Variants in IL20RA observed in about 807,000 individuals in gnomAD.
The protein encoded by IL20RA is interleukin-20 receptor subunit alpha.
In IL20RA, 29 loss-of-function variants were observed where a neutral mutation model predicts 36.5. That is an observed-to-expected ratio of 0.79 (90% CI 0.59 to 1.08). The LOEUF (loss-of-function observed/expected upper bound fraction) is 1.08. Among genes scored for constraint, IL20RA ranks in the 50% least tolerant of loss-of-function variants. The probability of loss-of-function intolerance (pLI) is 0.00; values close to 1 mark genes in which losing one functional copy is unlikely to be tolerated. For missense variants in IL20RA, 652 were observed against 668.4 expected (o/e 0.98, Z 0.27); for synonymous variants, 279 against 267.1 (o/e 1.04, Z -0.43).
intron 4 of IL20RA, chr6:137,009,051 G>C: frequency 1.7e-6 from 1 of 578,118 alleles, no homozygotes; most frequent in South Asian, 2.4e-5. Context: ...GACTGTGCAA[G>C]TGAAAGCTCT....
chr6:137,019,400 A>G (rs1205377910), intron 1 of IL20RA, among the ~76,000 whole-genome samples: 1 of 151,928 alleles, frequency 6.6e-6, no homozygotes, highest in Non-Finnish European at 1.5e-5. Flanking sequence ...AAGTGCTGGG[A>G]TTACAGGTAT....
rs772308266 is a variant in IL20RA at position 137,004,714 on chromosome 6, C to T, written c.771G>A (p.Leu257=). The stretch of plus-strand genomic sequence containing the variant: ...AAAGAAACACGGTAATAGATACGGG[C>T]AAAACATACCAGAAGATGATTTTAG... The part of the protein sequence containing the change: ...FKAKIIFWYV[L]PVSITVFLFS... Residue 257 remains leucine (L), a synonymous_variant, in exon 6 of 7, where the codon TTG becomes TTA. Transcript: ENST00000316649. 1 of 1,601,766 alleles carries T rather than the reference C, an allele frequency of 6.2e-7. No homozygotes were observed. Among genetic ancestry groups the T allele is most frequent in the Non-Finnish European group, 8.5e-7 (1 of 1,176,862 alleles).
At chr6:137,007,102 T>G (rs1005712455) in intron 5 of IL20RA, among the ~76,000 whole-genome samples, 1 of 152,224 alleles carries the variant, frequency 6.6e-6, no homozygotes, top group Non-Finnish European at 1.5e-5. Flanking sequence ...TTTGTTGCTT[T>G]TGCTCCAATT....
At chr6:137,021,654 C>T (rs756715476) in intron 1 of IL20RA, among the ~76,000 whole-genome samples, 22 of 152,098 alleles carry the variant, frequency 1.4e-4, no homozygotes, top group Middle Eastern at 3.4e-3. Flanking sequence ...GGCAACAGAG[C>T]GAGACTCTGT....
At chr6:137,004,427 C>T (rs182288207) in intron 6 of IL20RA, among the ~76,000 whole-genome samples, 194 bp downstream of exon 6, 9 of 152,208 alleles carry the variant, frequency 5.9e-5, no homozygotes, top group African/African-American at 1.7e-4. Context: ...CCAACTGCCT[C>T]GGCCACCCAA....
chr6:137,024,168 G>T (rs1582831464), intron 1 of IL20RA, among the ~76,000 whole-genome samples: 1 of 152,210 alleles, frequency 6.6e-6, no homozygotes, highest in East Asian at 1.9e-4. Flanking sequence ...ATTTAAAAAA[G>T]AAATACGATT....
chr6:137,043,920 A>G (rs940496206), intron 1 of IL20RA, among the ~76,000 whole-genome samples: 55 of 152,338 alleles, frequency 3.6e-4, no homozygotes, highest in Non-Finnish European at 6.2e-4. Flanking sequence ...CTGGATTCCA[A>G]TTGGTAGAGA....
Position 137,019,742 on chromosome 6 carries a change from A to G in IL20RA, c.89-2639T>C, listed in dbSNP as rs374436267. On this transcript the variant is annotated intron_variant, in intron 1 of 6. Transcript: ENST00000316649. ...GTTGAAATGTTAGCAAACTCTGGTA[A>G]TGATATTAAACCAACAGAATGAATA... Among the ~76,000 whole-genome samples, 30 of 152,346 alleles carry G rather than the reference A, an allele frequency of 2.0e-4. 2 individuals carry two copies. The highest frequency in any genetic ancestry group is 7.7e-4 in the East Asian group (4 of 5,184).
chr6:137,030,887 T>C (rs1268200652), intron 1 of IL20RA, among the ~76,000 whole-genome samples: 1 of 152,200 alleles, frequency 6.6e-6, no homozygotes, highest in Non-Finnish European at 1.5e-5. Context: ...ATTCAAACAC[T>C]CCTTGGACAT....
At chr6:137,034,676 C>T (rs1029776675) in intron 1 of IL20RA, among the ~76,000 whole-genome samples, 1 of 152,070 alleles carries the variant, frequency 6.6e-6, no homozygotes, top group Non-Finnish European at 1.5e-5. Context: ...TGCGGTGGCT[C>T]ACGCCTGTAA....
chr6:137,030,070 G>GTT lies in IL20RA; in HGVS notation c.89-12969_89-12968dup, dbSNP rs1188809232. ...GGTGGAAAATGTCAGCGGTTTGCGG[G>GTT]TTTTTTTTTTTTTTTTTTTTTTTTT... On this transcript the variant is annotated intron_variant, in intron 1 of 6. Coordinates refer to ENST00000316649, the MANE Select transcript of IL20RA (RefSeq NM_014432.4). 9.2e-3 allele frequency among the ~76,000 whole-genome samples: 576 copies of GTT among 62,828 alleles called. 112 individuals are homozygous for GTT. The highest frequency in any genetic ancestry group is 0.035 in the African/African-American group (542 of 15,386). 41.2% of individuals were successfully genotyped at this position (62,828 alleles called of 152,430 possible).
chr6:137,041,724 T>A (rs1320728929), intron 1 of IL20RA, among the ~76,000 whole-genome samples: 1 of 152,186 alleles, frequency 6.6e-6, no homozygotes, highest in Non-Finnish European at 1.5e-5. Context: ...AATCTAAAGC[T>A]CCAAAACTCA....
At chr6:137,041,930 A>G (rs1302449599) in intron 1 of IL20RA, among the ~76,000 whole-genome samples, 1 of 152,152 alleles carries the variant, frequency 6.6e-6, no homozygotes, top group Admixed American at 6.5e-5. Flanking sequence ...TGTCATCTAC[A>G]TTAGGTATTT....
rs1243241073 is a variant in IL20RA at position 137,001,867 on chromosome 6, G to T, written c.1353C>A (p.Thr451=). 1.2e-6 allele frequency: 2 copies of T among 1,613,604 alleles called. No homozygotes were observed. The highest frequency in any genetic ancestry group is 1.7e-6 in the Non-Finnish European group (2 of 1,179,714). ...LGPQTLQYSY[T]PQLQDLDPLA... ...GGGGGTCTAAGTCTTGGAGCTGAGG[G>T]GTGTATGAGTACTGTAACGTTTGCG... Residue 451 remains threonine, a synonymous_variant, in exon 7 of 7, where the codon ACC becomes ACA. Transcript: ENST00000316649.
intron 5 of IL20RA, among the ~76,000 whole-genome samples, chr6:137,005,167 G>T (rs1319469812): frequency 2.0e-5 from 3 of 152,184 alleles, no homozygotes; most frequent in Non-Finnish European, 4.4e-5. Context: ...AGATCCCATT[G>T]AATTGCTCCA....
rs758688853 is a variant in IL20RA at position 137,044,567 on chromosome 6, G to A, written c.88+74C>T. The stretch of plus-strand genomic sequence containing the variant: ...CCGGCGGGCAGGAGGGGAGAGCTCG[G>A]CCTCGAGCTCTGCCTGGCGGGGCCC... On this transcript the variant is annotated intron_variant, in intron 1 of 6. Transcript: ENST00000316649. 1,893 of 1,198,906 alleles carry A rather than the reference G, an allele frequency of 1.6e-3. 2 individuals are homozygous for A. Among genetic ancestry groups the A allele is most frequent in the Non-Finnish European group, 1.9e-3 (1,842 of 963,188 alleles). 74.3% of individuals were successfully genotyped at this position (1,198,906 alleles called of 1,614,324 possible).
intron 1 of IL20RA, among the ~76,000 whole-genome samples, chr6:137,032,601 C>T (rs892902048): frequency 2.0e-5 from 3 of 152,162 alleles, no homozygotes; most frequent in African/African-American, 7.2e-5. Context: ...TTCAATGTTG[C>T]ATTTCTTTTA....
intron 6 of IL20RA, among the ~76,000 whole-genome samples, chr6:137,003,551 CA>C (rs1295210465): frequency 6.6e-6 from 1 of 152,186 alleles, no homozygotes; most frequent in Non-Finnish European, 1.5e-5. Context: ...CTCCCCTGGA[CA>C]AAGCTACAGT....
At chr6:137,007,317 C>G (rs928624935) in intron 5 of IL20RA, among the ~76,000 whole-genome samples, 3 of 152,286 alleles carry the variant, frequency 2.0e-5, no homozygotes, top group African/African-American at 2.4e-5. Flanking sequence ...AAAGGCAAAG[C>G]CTTGCGCTTT....
Sources: allele counts gnomAD v4.1 joint callset (sites outside exome capture counted in the v4.1 genomes callset), GRCh38; gene constraint gnomAD v4.1.1; transcripts MANE v1.5; gene names NCBI Gene and HGNC (gene_info 2026-07-23, HGNC 2026-07-21).